The following DPY19L1 variants were observed in gnomAD, a reference collection of about 807,000 sequenced individuals.
DPY19L1 encodes the protein protein C-mannosyl-transferase DPY19L1.
DPY19L1 carries 35 observed loss-of-function variants against 96.9 expected under a neutral mutation model. The observed-to-expected ratio is 0.36, with a 90% CI of 0.28 to 0.48. The LOEUF (loss-of-function observed/expected upper bound fraction) is 0.48. DPY19L1 is among the 20% of genes least tolerant of loss of function. DPY19L1 has a pLI of 0.99. For missense variants in DPY19L1, 521 were observed against 777.9 expected (o/e 0.67, Z 3.93); for synonymous variants, 205 against 252.6 (o/e 0.81, Z 1.79).
At chr7:34,936,267 C>T (rs1482367273) in intron 21 of DPY19L1, among the ~76,000 whole-genome samples, 1 of 151,598 alleles carries the variant, frequency 6.6e-6, no homozygotes, top group Admixed American at 6.6e-5. Flanking sequence ...TCTGCCTACC[C>T]AAACATGAGA....
At chr7:34,958,158 T>A (rs905234822) in intron 10 of DPY19L1, 88 bp from the exon 11 acceptor site, 1 of 829,842 alleles carries the variant, frequency 1.2e-6, no homozygotes, top group African/African-American at 1.8e-5. Context: ...ATGCCCATAA[T>A]AAACAAAATT....
intron 8 of DPY19L1, among the ~76,000 whole-genome samples, chr7:34,971,975 G>C (rs1247128788): frequency 6.6e-6 from 1 of 152,216 alleles, no homozygotes; most frequent in Non-Finnish European, 1.5e-5. Context: ...GGATTATCCA[G>C]GTGGACCCAA....
chr7:35,037,555 T>C (rs1786463915), upstream of DPY19L1: 2 of 305,400 alleles, frequency 6.5e-6, no homozygotes, highest in African/African-American at 2.2e-5. Flanking sequence ...GGGGAGATCG[T>C]GGAGGCCGGG....
At chr7:35,026,232 AGTAATT>A (rs1410434221) in intron 1 of DPY19L1, among the ~76,000 whole-genome samples, 1 of 152,244 alleles carries the variant, frequency 6.6e-6, no homozygotes, top group Admixed American at 6.5e-5. Flanking sequence ...GGAAACCAGT[AGTAATT>A]GTATCACCTG....
At chr7:34,936,883 G>C (rs1783879607) in intron 21 of DPY19L1, among the ~76,000 whole-genome samples, 1 of 152,152 alleles carries the variant, frequency 6.6e-6, no homozygotes. Flanking sequence ...TACCATATGT[G>C]TCATTGAAAT....
chr7:35,015,110 T>G (rs1000973103), intron 3 of DPY19L1, among the ~76,000 whole-genome samples: 23 of 152,234 alleles, frequency 1.5e-4, no homozygotes, highest in Non-Finnish European at 2.6e-4. Flanking sequence ...CTTGTTGCAC[T>G]TCTTTATGAC....
chr7:34,994,021 G>A (rs1369095603), intron 6 of DPY19L1, among the ~76,000 whole-genome samples: 4 of 152,144 alleles, frequency 2.6e-5, no homozygotes, highest in Admixed American at 1.3e-4. Flanking sequence ...AGCTGAGATT[G>A]CGCCGTGGCA....
chr7:34,997,532 C>T (rs1176999588), intron 6 of DPY19L1, among the ~76,000 whole-genome samples: 3 of 146,794 alleles, frequency 2.0e-5, no homozygotes, highest in Non-Finnish European at 4.5e-5. Flanking sequence ...ATGGCGTGAA[C>T]CCAGGAGGCG....
At chr7:35,000,950 T>G (rs945881704) in intron 6 of DPY19L1, among the ~76,000 whole-genome samples, 2 of 152,238 alleles carry the variant, frequency 1.3e-5, no homozygotes, top group African/African-American at 4.8e-5. Flanking sequence ...TTAAAATGTA[T>G]TCTCAGAGAC....
intron 10 of DPY19L1, among the ~76,000 whole-genome samples, chr7:34,963,514 A>C (rs150473287): frequency 6.6e-6 from 1 of 152,352 alleles, no homozygotes; most frequent in African/African-American, 2.4e-5. Flanking sequence ...ATCTCAAAAA[A>C]TATTTGTTTA....
intron 4 of DPY19L1, among the ~76,000 whole-genome samples, chr7:35,013,306 TATA>T (rs895796885): frequency 2.6e-5 from 4 of 152,174 alleles, no homozygotes; most frequent in African/African-American, 9.7e-5. Context: ...GCTCCCTTGG[TATA>T]ATCCCTGTAA....
intron 3 of DPY19L1, among the ~76,000 whole-genome samples, chr7:35,017,396 G>A (rs1450965864): frequency 6.6e-6 from 1 of 151,296 alleles, no homozygotes; most frequent in Non-Finnish European, 1.5e-5. Flanking sequence ...TGGGGAGGCT[G>A]AGGCAGGAGA....
chr7:34,996,057 G>A (rs1584244596), intron 6 of DPY19L1, among the ~76,000 whole-genome samples: 7 of 152,224 alleles, frequency 4.6e-5, no homozygotes, highest in African/African-American at 1.4e-4. Flanking sequence ...AGTGATTAAC[G>A]CCGTTAATTT....
intron 21 of DPY19L1, among the ~76,000 whole-genome samples, chr7:34,932,957 AG>A (rs1353962067): frequency 2.0e-5 from 3 of 152,164 alleles, no homozygotes; most frequent in African/African-American, 7.2e-5. Context: ...ACACCGTAGC[AG>A]GTATGTACAT....
intron 10 of DPY19L1, among the ~76,000 whole-genome samples, chr7:34,962,209 CAAAT>C (rs1784515158): frequency 1.3e-5 from 2 of 151,974 alleles, no homozygotes; most frequent in African/African-American, 2.4e-5. Flanking sequence ...ATTCAATAGG[CAAAT>C]AAATAAACAG....
At chr7:34,959,464 C>CA (rs1161523847) in intron 10 of DPY19L1, among the ~76,000 whole-genome samples, 1 of 152,130 alleles carries the variant, frequency 6.6e-6, no homozygotes, top group Admixed American at 6.5e-5. Flanking sequence ...GGAACAAACC[C>CA]AAATGCCTGT....
chr7:34,947,671 G>A lies in DPY19L1; in HGVS notation c.1453C>T (p.Leu485Phe), dbSNP rs751586656. ...TPLRYTKTLL[L>F]PVVLVVFVAI... ...ACAAACACTACAAGAACAACTGGAA[G>A]CAATAATGTCTTTGTGTATCTCAGT... The change falls in exon 15 of 22, where the codon CTT (leucine) becomes TTT (phenylalanine). Residue 485 changes from leucine (L) to phenylalanine (F), a missense_variant. Coordinates refer to ENST00000638088, the MANE Select transcript of DPY19L1 (RefSeq NM_001366673.1). 4.0e-5 allele frequency: 65 copies of A among 1,612,124 alleles called. No homozygotes were observed. The highest frequency in any genetic ancestry group is 4.7e-5 in the Non-Finnish European group (56 of 1,179,114).
intron 6 of DPY19L1, among the ~76,000 whole-genome samples, chr7:35,006,817 C>A (rs1332826456): frequency 1.3e-5 from 2 of 152,162 alleles, no homozygotes; most frequent in African/African-American, 4.8e-5. Context: ...AATGGACTGG[C>A]TTACCTGGCT....
intron 8 of DPY19L1, among the ~76,000 whole-genome samples, chr7:34,972,688 T>C (rs1784748836): frequency 6.6e-6 from 1 of 152,228 alleles, no homozygotes; most frequent in Non-Finnish European, 1.5e-5. Flanking sequence ...TTAAAGGTTA[T>C]GAATTCATAG....
Sources: allele counts gnomAD v4.1 joint callset (sites outside exome capture counted in the v4.1 genomes callset), GRCh38; gene constraint gnomAD v4.1.1; transcripts MANE v1.5; gene names NCBI Gene and HGNC (gene_info 2026-07-23, HGNC 2026-07-21).